Variants in DPP6 observed in about 807,000 individuals in gnomAD.
The protein encoded by DPP6 is dipeptidyl peptidase like 6.
Under a neutral mutation model 122.6 loss-of-function variants are expected in DPP6, and 69 were observed. The observed-to-expected ratio is 0.56, with a 90% CI of 0.46 to 0.69. The LOEUF is 0.69. Among genes scored for constraint, DPP6 ranks in the 30% least tolerant of loss-of-function variants. DPP6 has a pLI of 0.00. For missense variants in DPP6, 928 were observed against 1,116.9 expected (o/e 0.83, Z 2.41); for synonymous variants, 418 against 433.1 (o/e 0.97, Z 0.43).
intron 1 of DPP6, among the ~76,000 whole-genome samples, chr7:154,078,919 CAAAG>C (rs201139910): frequency 0.04 from 3,218 of 79,584 alleles, 129 homozygotes; most frequent in African/African-American, 0.13. Context: ...GAGGGTATCT[CAAAG>C]GAAGTGAAAA....
the DPP6 span, among the ~76,000 whole-genome samples, chr7:153,817,625 G>A: frequency 6.6e-6 from 1 of 151,736 alleles, no homozygotes; most frequent in East Asian, 1.9e-4. Context: ...GTAGGAACAT[G>A]GATGAAGCTG....
chr7:154,645,082 AG>A (rs1554421490), intron 6 of DPP6, among the ~76,000 whole-genome samples: 1 of 83,410 alleles, frequency 1.2e-5, no homozygotes, highest in Non-Finnish European at 2.3e-5. Context: ...TTTTTTTTTG[AG>A]AGGAAGTATT....
chr7:154,640,249 T>TCAAA (rs1296912078), intron 6 of DPP6, among the ~76,000 whole-genome samples: 4 of 70,204 alleles, frequency 5.7e-5, no homozygotes, highest in Admixed American at 1.3e-4. Context: ...TGAGACTCTG[T>TCAAA]CAAACAAAAA....
At chr7:154,161,400 G>C (rs1331551988) in intron 1 of DPP6, among the ~76,000 whole-genome samples, 1 of 152,162 alleles carries the variant, frequency 6.6e-6, no homozygotes, top group African/African-American at 2.4e-5. Context: ...GGGAGGCTGA[G>C]GTGGGAGAAT....
intron 1 of DPP6, among the ~76,000 whole-genome samples, chr7:154,185,352 C>T (rs919882613): frequency 6.6e-6 from 1 of 152,056 alleles, no homozygotes; most frequent in Non-Finnish European, 1.5e-5. Context: ...AGGCTCTGTG[C>T]AACAAGTAAA....
intron 8 of DPP6, among the ~76,000 whole-genome samples, chr7:154,751,784 C>T (rs566778018): frequency 1.7e-4 from 26 of 152,058 alleles, no homozygotes; most frequent in Non-Finnish European, 3.1e-4. Flanking sequence ...AGGACTTCCA[C>T]AGCATCATCG....
chr7:153,844,166 C>G, the DPP6 span, among the ~76,000 whole-genome samples: 2 of 152,188 alleles, frequency 1.3e-5, no homozygotes, highest in African/African-American at 4.8e-5. Flanking sequence ...GCAGTCCAAC[C>G]TGGCATTGTC....
intron 3 of DPP6, among the ~76,000 whole-genome samples, chr7:154,520,176 C>G (rs1221024908): frequency 6.6e-6 from 1 of 152,130 alleles, no homozygotes; most frequent in Non-Finnish European, 1.5e-5. Flanking sequence ...TAAAATAATA[C>G]TAGTTTAAGA....
At position 154,523,787 on chromosome 7, in the gene DPP6, T is replaced by C. The variant is rs370829947; in HGVS notation, c.458-16745T>C. On this transcript the variant is annotated intron_variant, in intron 3 of 25. Transcript: ENST00000377770. ...GGTGGTTTCACAGGTTTATCTATAATGTCTACTTGTCCCATGATTGGTGAT... is the reference window on the plus strand; with the variant it reads ...GGTGGTTTCACAGGTTTATCTATAACGTCTACTTGTCCCATGATTGGTGAT... 2.0e-4 allele frequency among the ~76,000 whole-genome samples: 31 copies of C among 152,330 alleles called. No individual in the cohort carries two copies. In the East Asian group the frequency reaches 5.2e-3, roughly 26 times the overall value.
chr7:153,849,146 G>T, the DPP6 span, among the ~76,000 whole-genome samples: 21 of 152,152 alleles, frequency 1.4e-4, no homozygotes, highest in Non-Finnish European at 2.6e-4. Context: ...AAATATGGGG[G>T]ACGTATCCAA....
rs529344134 is a variant in DPP6 at position 154,478,049 on chromosome 7, C to T, written c.457+3012C>T. Among the ~76,000 whole-genome samples, 23 of 151,988 alleles carry T rather than the reference C, an allele frequency of 1.5e-4. 1 individual carries two copies. Among genetic ancestry groups the T allele is most frequent in the Admixed American group, 8.5e-4 (13 of 15,248 alleles). On this transcript the variant is annotated intron_variant, in intron 3 of 25. Coordinates refer to ENST00000377770, the MANE Select transcript of DPP6 (RefSeq NM_130797.4). ...TCTTCCTAAACATTCTCTCTCTTCC[C>T]GCTCCCTAAAGAGGCAATAGCTTAA...
At chr7:154,742,146 C>T (rs1842846742) in intron 8 of DPP6, among the ~76,000 whole-genome samples, 1 of 152,134 alleles carries the variant, frequency 6.6e-6, no homozygotes, top group African/African-American at 2.4e-5. Context: ...AGACAGGGAC[C>T]CTTCCCTTGA....
rs953161438 is a variant in DPP6 at position 154,821,524 on chromosome 7, C to T, written c.1666+14412C>T. ...TGGCCACATCCTACTTATCCAGCCT[C>T]GTAATGACACTACTCCTCTATCAGA... On this transcript the variant is annotated intron_variant, in intron 16 of 25. Transcript: ENST00000377770. The surrounding 1 kb of genome is among the most constrained non-coding windows in gnomAD (Gnocchi z 4.2). 4.0e-4 allele frequency among the ~76,000 whole-genome samples: 60 copies of T among 151,388 alleles called. No individual in the cohort carries two copies. The highest frequency in any genetic ancestry group is 5.3e-4 in the Non-Finnish European group (36 of 67,922).
At chr7:154,392,968 A>G (rs867885704) in intron 1 of DPP6, among the ~76,000 whole-genome samples, 37 of 152,324 alleles carry the variant, frequency 2.4e-4, no homozygotes, top group South Asian at 6.2e-4. Flanking sequence ...AGATCAAAGT[A>G]TTGTCTTCCA....
intron 21 of DPP6, chr7:154,883,681 CCTG>C (rs1467281263): frequency 6.7e-6 from 1 of 150,192 alleles, no homozygotes; most frequent in Non-Finnish European, 1.5e-5. Flanking sequence ...ATTACATACA[CCTG>C]CTCACACACA....
At chr7:154,569,049 C>T (rs1182056213) in intron 5 of DPP6, among the ~76,000 whole-genome samples, 1 of 151,956 alleles carries the variant, frequency 6.6e-6, no homozygotes, top group Non-Finnish European at 1.5e-5. Context: ...TAGCGCTATA[C>T]CAAGATACAA....
intron 1 of DPP6, among the ~76,000 whole-genome samples, chr7:154,267,364 A>G (rs1358979102): frequency 4.6e-5 from 1 of 21,572 alleles, no homozygotes; most frequent in African/African-American, 3.6e-4. Flanking sequence ...ATTTACTGTA[A>G]CAAATTATAT....
intron 16 of DPP6, among the ~76,000 whole-genome samples, chr7:154,824,854 T>C (rs1451279002): frequency 6.6e-6 from 1 of 152,166 alleles, no homozygotes; most frequent in East Asian, 1.9e-4. Flanking sequence ...TGAACCCCTC[T>C]TTGTGTCATA....
intron 1 of DPP6, among the ~76,000 whole-genome samples, chr7:154,263,316 AC>A (rs1803158349): frequency 6.6e-6 from 1 of 152,216 alleles, no homozygotes; most frequent in African/African-American, 2.4e-5. Context: ...TCTTGCCAGG[AC>A]AAATTCTTCA....
Sources: gnomAD v4.1 joint callset for allele counts (sites outside exome capture counted in the v4.1 genomes callset) on GRCh38, gnomAD v4.1.1 for gene constraint, Gnocchi (gnomAD v3.1) non-coding constraint, MANE v1.5 for transcripts, NCBI Gene and HGNC (gene_info 2026-07-23, HGNC 2026-07-21) for gene names.